ACSL5: variants seen among roughly 807,000 people sequenced by gnomAD.
ACSL5 encodes the protein long-chain-fatty-acid--CoA ligase 5.
Under a neutral mutation model 84.9 loss-of-function variants are expected in ACSL5, and 50 were observed. The observed-to-expected ratio is 0.59, with a 90% CI of 0.47 to 0.75. The LOEUF is 0.75. Among genes scored for constraint, ACSL5 ranks in the 30% least tolerant of loss-of-function variants. The pLI, the probability that ACSL5 is intolerant of heterozygous loss-of-function variation, is 0.00. For synonymous variants in ACSL5, 280 were observed against 300.7 expected (o/e 0.93, Z 0.71); for missense variants, 775 against 830.4 (o/e 0.93, Z 0.82).
chr10:112,409,642 G>C lies in ACSL5; in HGVS notation c.668G>C (p.Gly223Ala), dbSNP rs200224354. 6.2e-7 allele frequency: 1 copy of C among 1,614,130 alleles called. No individual in the cohort carries two copies. The highest frequency in any genetic ancestry group is 8.5e-7 in the Non-Finnish European group (1 of 1,180,010). ...TTTGATGATGACCTGAAGCAAAGAG[G>C]GGAGAAGAGTGGAATTGAGATCTTA... Reference protein sequence around the residue: ...DPFDDDLKQRGEKSGIEILSL... With the variant: ...DPFDDDLKQRAEKSGIEILSL... The change falls in exon 7 of 21, where the codon GGG becomes GCG. Residue 223 changes from glycine (G) to alanine (A), a missense_variant. Transcript: ENST00000354655.
intron 3 of ACSL5, among the ~76,000 whole-genome samples, chr10:112,401,840 C>CTTT (rs200194853): frequency 2.8e-4 from 14 of 50,182 alleles, no homozygotes; most frequent in Admixed American, 2.5e-4. Context: ...TTCTTTCTTT[C>CTTT]TTCCTTCCTT....
At chr10:112,413,426 G>C in intron 12 of ACSL5, 119 bp downstream of exon 12, 2 of 1,277,922 alleles carry the variant, frequency 1.6e-6, no homozygotes, top group Non-Finnish European at 2.2e-6. Flanking sequence ...ACGTAAAGCC[G>C]TGTGTAAATA....
chr10:112,415,764 G>A (rs1844300249), intron 12 of ACSL5, among the ~76,000 whole-genome samples: 1 of 152,218 alleles, frequency 6.6e-6, no homozygotes, highest in Admixed American at 6.5e-5. Context: ...GATGGAGAGG[G>A]ATTCTTCAAA....
intron 1 of ACSL5, chr10:112,375,530 G>C (rs1457135013): frequency 6.6e-6 from 1 of 152,254 alleles, no homozygotes; most frequent in African/African-American, 2.4e-5. Context: ...AGAAAGTGCT[G>C]CTTCATTCTG....
chr10:112,426,146 G>C (rs965156582), intron 18 of ACSL5, 112 bp from the exon 19 acceptor site: 1 of 806,776 alleles, frequency 1.2e-6, no homozygotes, highest in Non-Finnish European at 2.0e-6. Context: ...CTGGATTTAA[G>C]GTTTTGGGGA....
chr10:112,385,957 A>G (rs529568074), intron 1 of ACSL5, among the ~76,000 whole-genome samples: 1 of 152,138 alleles, frequency 6.6e-6, no homozygotes, highest in South Asian at 2.1e-4. Flanking sequence ...TCTTTGACCT[A>G]TCTTCAGCTT....
intron 12 of ACSL5, among the ~76,000 whole-genome samples, chr10:112,414,936 A>G (rs1844280833): frequency 6.6e-6 from 1 of 151,034 alleles, no homozygotes; most frequent in Middle Eastern, 3.2e-3. Flanking sequence ...CTCCCCAACC[A>G]CCTCCAAGAT....
At chr10:112,399,810 T>C (rs1038431580) in intron 3 of ACSL5, among the ~76,000 whole-genome samples, 7 of 152,332 alleles carry the variant, frequency 4.6e-5, no homozygotes, top group Non-Finnish European at 8.8e-5. Context: ...TATTACTTCA[T>C]CTTCCCTAAA....
chr10:112,415,190 ATTTTT>A (rs893636534), intron 12 of ACSL5, among the ~76,000 whole-genome samples: 1 of 150,826 alleles, frequency 6.6e-6, no homozygotes, highest in Non-Finnish European at 1.5e-5. Context: ...TCTGGAATGT[ATTTTT>A]TTTTTGTTTT....
chr10:112,398,895 T>C lies in ACSL5; in HGVS notation c.157-6T>C. On this transcript the variant is annotated splice_region_variant and splice_polypyrimidine_tract_variant and intron_variant, in intron 2 of 20. Coordinates refer to ENST00000354655, the MANE Select transcript of ACSL5 (RefSeq NM_203379.2). ...AACTTGGCCTAAACTTGGTCTTGTGTCTTAGGGAGGAGCACGGAAGGGGGT... is the reference window on the plus strand; with the variant it reads ...AACTTGGCCTAAACTTGGTCTTGTGCCTTAGGGAGGAGCACGGAAGGGGGT... 1 of 1,613,520 alleles carries C rather than the reference T, an allele frequency of 6.2e-7. No homozygotes were observed. Among genetic ancestry groups the C allele is most frequent in the Non-Finnish European group, 8.5e-7 (1 of 1,179,506 alleles).
chr10:112,377,531 C>A (rs767653997), intron 1 of ACSL5, among the ~76,000 whole-genome samples: 1 of 152,136 alleles, frequency 6.6e-6, no homozygotes, highest in African/African-American at 2.4e-5. Context: ...AAGACTCTGG[C>A]TCAAAAACAA....
intron 5 of ACSL5, among the ~76,000 whole-genome samples, chr10:112,406,896 T>C (rs115453457): frequency 0.016 from 2,482 of 152,228 alleles, 77 homozygotes; most frequent in African/African-American, 0.057. Context: ...TATTAGTCTG[T>C]TTTTATGCTG....
rs527243812 is a variant in ACSL5 at position 112,410,194 on chromosome 10, G to A, written c.712-269G>A. 38 of 1,472,970 alleles carry A rather than the reference G, an allele frequency of 2.6e-5. No individual in the cohort carries two copies. The South Asian group carries it at 4.7e-4, about 18-fold the overall frequency. 91.2% of individuals were successfully genotyped at this position (1,472,970 alleles called of 1,614,324 possible). ...TTCTTTCAAAAAAGATTTAGTTAGG[G>A]CCCTAGATGACTGAAACTTAAGAGT... On this transcript the variant is annotated intron_variant, in intron 7 of 20. Coordinates refer to ENST00000354655, the MANE Select transcript of ACSL5 (RefSeq NM_203379.2).
chr10:112,376,158 TG>T, intron 1 of ACSL5: 2 of 1,106,396 alleles, frequency 1.8e-6, no homozygotes, highest in Non-Finnish European at 2.6e-6. Context: ...TCTCCCCTCC[TG>T]GTCAGAACAC....
chr10:112,408,073 C>CAGAT (rs1315717613), intron 5 of ACSL5, among the ~76,000 whole-genome samples: 1 of 151,798 alleles, frequency 6.6e-6, no homozygotes, highest in East Asian at 1.9e-4. Flanking sequence ...CCCAGGTAGG[C>CAGAT]AGATAGGTTG....
intron 6 of ACSL5, 57 bp downstream of exon 6, chr10:112,408,578 C>A: frequency 8.3e-7 from 1 of 1,204,414 alleles, no homozygotes. Flanking sequence ...AGTATTTCTT[C>A]AATTTCTGCT....
chr10:112,389,363 T>C (rs1185941407), intron 1 of ACSL5, among the ~76,000 whole-genome samples: 2 of 152,196 alleles, frequency 1.3e-5, no homozygotes, highest in Non-Finnish European at 2.9e-5. Flanking sequence ...AGGACAAGGA[T>C]GGTGGACAAA....
Position 112,417,035 on chromosome 10 carries a change from G to A in ACSL5, c.1218+13G>A. The A allele has an allele frequency of 6.2e-7, 1 of 1,610,470 alleles. No homozygotes were observed. Among genetic ancestry groups the A allele is most frequent in the Non-Finnish European group, 8.5e-7 (1 of 1,177,078 alleles). On this transcript the variant is annotated intron_variant, in intron 13 of 20. Transcript: ENST00000354655. Reference sequence around the variant, plus strand: ...TGCAAAGATCCAGGTAGGTTGGGCAGGTCCTGGACTGAAGCAGGCAAATAC... The same window carrying A: ...TGCAAAGATCCAGGTAGGTTGGGCAAGTCCTGGACTGAAGCAGGCAAATAC...
At chr10:112,398,416 T>G (rs1843794857) in intron 2 of ACSL5, among the ~76,000 whole-genome samples, 1 of 151,790 alleles carries the variant, frequency 6.6e-6, no homozygotes, top group Admixed American at 6.6e-5. Flanking sequence ...TTCTTTTTTT[T>G]TTTTCTGAGA....
Sources: gnomAD v4.1 joint callset for allele counts (sites outside exome capture counted in the v4.1 genomes callset) on GRCh38, gnomAD v4.1.1 for gene constraint, MANE v1.5 for transcripts, NCBI Gene and HGNC (gene_info 2026-07-23, HGNC 2026-07-21) for gene names.